FER: variants seen among roughly 807,000 people sequenced by gnomAD.
FER encodes the protein FER tyrosine kinase.
Under a neutral mutation model 111.0 loss-of-function variants are expected in FER, and 63 were observed. The observed-to-expected ratio is 0.57, with a 90% confidence interval of 0.46 to 0.70. The LOEUF is 0.70. Ranked by LOEUF, FER falls within the 30% of genes least tolerant of loss-of-function variation. The probability of loss-of-function intolerance (pLI) is 0.00; values close to 1 mark genes in which losing one functional copy is unlikely to be tolerated. For missense variants in FER, 914 were observed against 954.0 expected (o/e 0.96, Z 0.55); for synonymous variants, 327 against 313.9 (o/e 1.04, Z -0.44).
chr5:108,748,195 GT>G (rs1340427652), intron 1 of FER, among the ~76,000 whole-genome samples, 195 bp downstream of exon 1: 8 of 152,218 alleles, frequency 5.3e-5, no homozygotes, highest in Non-Finnish European at 1.0e-4. Flanking sequence ...AGCAATCCAC[GT>G]TAATAACAGA....
rs190410317 is a variant in FER, at chr5:109,001,366, G to C, written c.1657-36056G>C. On this transcript the variant is annotated intron_variant, in intron 13 of 19. Transcript: ENST00000281092. The stretch of plus-strand genomic sequence containing the variant: ...ATAAACGTAATCCAGCGTATAAACA[G>C]AACCAAAGACAAAAACCACATGATT... Among the ~76,000 whole-genome samples, 142 of 152,258 alleles carry C rather than the reference G, an allele frequency of 9.3e-4. 1 individual carries two copies. The highest frequency in any genetic ancestry group is 3.0e-3 in the African/African-American group (125 of 41,552).
intron 1 of FER, among the ~76,000 whole-genome samples, chr5:108,756,652 TGATA>T (rs1478372540): frequency 1.8e-4 from 27 of 152,132 alleles, no homozygotes; most frequent in Admixed American, 1.7e-3. Flanking sequence ...ATATAATTAA[TGATA>T]GATCAGTATT....
intron 2 of FER, among the ~76,000 whole-genome samples, chr5:108,796,282 C>T (rs866801433): frequency 2.6e-5 from 4 of 152,140 alleles, no homozygotes; most frequent in Admixed American, 1.3e-4. Flanking sequence ...GACACAGTCA[C>T]CCATGTTGCT....
At chr5:108,799,490 A>G (rs1323208470) in intron 3 of FER, among the ~76,000 whole-genome samples, 1 of 152,228 alleles carries the variant, frequency 6.6e-6, no homozygotes, top group Non-Finnish European at 1.5e-5. Flanking sequence ...TAATGTTCAT[A>G]TCTTTAACTT....
At chr5:109,073,570 AC>A (rs1776004305) in intron 16 of FER, among the ~76,000 whole-genome samples, 2 of 152,156 alleles carry the variant, frequency 1.3e-5, no homozygotes, top group Admixed American at 1.3e-4. Flanking sequence ...AATGGGGAAA[AC>A]TATGTATAGT....
chr5:109,116,267 G>A (rs1400091082), intron 17 of FER, among the ~76,000 whole-genome samples: 1 of 151,940 alleles, frequency 6.6e-6, no homozygotes. Flanking sequence ...TTTCTTTACC[G>A]ATAGATGTTG....
chr5:108,777,619 G>C (rs889018963), intron 2 of FER, among the ~76,000 whole-genome samples: 1 of 152,106 alleles, frequency 6.6e-6, no homozygotes, highest in African/African-American at 2.4e-5. Flanking sequence ...GGCAACCACT[G>C]ATCTTTTTAC....
At chr5:108,996,268 T>A (rs113520706) in intron 13 of FER, among the ~76,000 whole-genome samples, 19,298 of 152,196 alleles carry the variant, frequency 0.13, 1,282 homozygotes, top group Middle Eastern at 0.16. Context: ...TAGTTTAATT[T>A]GATCCCATTT....
At chr5:108,862,312 T>C (rs1053416568) in intron 5 of FER, among the ~76,000 whole-genome samples, 1 of 152,186 alleles carries the variant, frequency 6.6e-6, no homozygotes, top group Non-Finnish European at 1.5e-5. Context: ...TCTTAACTTC[T>C]CTAATGTTAT....
intron 2 of FER, among the ~76,000 whole-genome samples, chr5:108,788,060 T>A (rs1754941947): frequency 6.6e-6 from 1 of 152,228 alleles, no homozygotes; most frequent in East Asian, 1.9e-4. Context: ...GTGGCCCTTC[T>A]GGGATTCCAG....
chr5:108,974,280 A>G lies in FER; in HGVS notation c.1656+14933A>G, dbSNP rs567901006. Among the ~76,000 whole-genome samples the G allele has an allele frequency of 1.6e-4, 24 of 152,238 alleles. No homozygotes were observed. The South Asian group carries it at 3.3e-3, about 21-fold the overall frequency. On this transcript the variant is annotated intron_variant, in intron 13 of 19. Coordinates refer to ENST00000281092, the MANE Select transcript of FER (RefSeq NM_005246.4). ...CCCCATTCCAGAGGAATTTTATGGT[A>G]TTTTAGGGGACATAGTATGTTAGAC...
chr5:108,971,911 G>A (rs894870551), intron 13 of FER, among the ~76,000 whole-genome samples: 3 of 152,046 alleles, frequency 2.0e-5, no homozygotes, highest in African/African-American at 7.2e-5. Flanking sequence ...GAATGCACAT[G>A]CTGAGTGAAA....
At chr5:108,910,746 A>G (rs139789761) in intron 10 of FER, among the ~76,000 whole-genome samples, 163 of 149,740 alleles carry the variant, frequency 1.1e-3, no homozygotes, top group African/African-American at 3.4e-3. Flanking sequence ...TTGATTTTCT[A>G]TTTCTGAGTT....
intron 3 of FER, among the ~76,000 whole-genome samples, chr5:108,825,453 C>T (rs540951822): frequency 1.0e-3 from 156 of 152,300 alleles, no homozygotes; most frequent in African/African-American, 3.6e-3. Context: ...AGCTCACCGG[C>T]GGTCAGAGTT....
At chr5:108,867,563 C>CTT (rs1764191137) in intron 5 of FER, among the ~76,000 whole-genome samples, 1 of 151,876 alleles carries the variant, frequency 6.6e-6, no homozygotes, top group Non-Finnish European at 1.5e-5. Flanking sequence ...CTACATGCCT[C>CTT]CTTGGCAACC....
intron 3 of FER, chr5:108,830,918 T>C (rs530970310): frequency 6.6e-6 from 1 of 152,356 alleles, no homozygotes; most frequent in South Asian, 2.1e-4. Context: ...TTTCTAATTA[T>C]AGAGCGAGAG....
intron 2 of FER, among the ~76,000 whole-genome samples, chr5:108,783,176 A>G (rs1754291120): frequency 6.6e-6 from 1 of 151,648 alleles, no homozygotes. Flanking sequence ...TGTTGTTTGG[A>G]TTGGGTGAAT....
intron 14 of FER, 89 bp downstream of exon 14, chr5:109,037,567 A>G (rs774552921): frequency 7.9e-6 from 8 of 1,015,762 alleles, no homozygotes; most frequent in African/African-American, 4.8e-5. Context: ...AGCTTTTCTT[A>G]TATTGCCACA....
At chr5:109,110,299 G>C (rs2150087012) in intron 17 of FER, among the ~76,000 whole-genome samples, 1 of 152,214 alleles carries the variant, frequency 6.6e-6, no homozygotes, top group South Asian at 2.1e-4. Context: ...GAGGATAATA[G>C]GACAAAAGAG....
Sources: allele counts gnomAD v4.1 joint callset (sites outside exome capture counted in the v4.1 genomes callset), GRCh38; gene constraint gnomAD v4.1.1; transcripts MANE v1.5; gene names NCBI Gene and HGNC (gene_info 2026-07-23, HGNC 2026-07-21).